The following SMG1 variants were observed in gnomAD, a reference collection of about 807,000 sequenced individuals.
SMG1 encodes the protein serine/threonine-protein kinase SMG1.
SMG1 carries 22 observed loss-of-function variants against 419.9 expected under a neutral mutation model. The observed-to-expected ratio is 0.05, with a 90% CI of 0.04 to 0.07. SMG1 has a LOEUF of 0.07. Among genes scored for constraint, SMG1 ranks in the 10% least tolerant of loss-of-function variants. The probability of loss-of-function intolerance (pLI) is 1.00; values close to 1 mark genes in which losing one functional copy is unlikely to be tolerated. For missense variants in SMG1, 3,185 were observed against 4,342.0 expected, an observed-to-expected ratio of 0.73 and a Z score of 7.49; for synonymous variants, 1,538 against 1,553.5, an observed-to-expected ratio of 0.99 and a Z score of 0.23.
Position 18,874,548 on chromosome 16 carries a change from T to C in SMG1, c.1890+1576A>G, listed in dbSNP as rs529353727. On this transcript the variant is annotated intron_variant, in intron 13 of 62. Coordinates refer to ENST00000446231, the MANE Select transcript of SMG1 (RefSeq NM_015092.5). Reference sequence around the variant, plus strand: ...TAAATACAAATCAAGAGCAGGGCCATGTCGAATTACTTAAAAAAAAAAAAA... The same window carrying C: ...TAAATACAAATCAAGAGCAGGGCCACGTCGAATTACTTAAAAAAAAAAAAA... Among the ~76,000 whole-genome samples, 1,036 of 133,370 alleles carry C rather than the reference T, an allele frequency of 7.8e-3. 20 individuals carry two copies. Among genetic ancestry groups the C allele is most frequent in the African/African-American group, 0.028 (977 of 35,200 alleles). The allele number at this position is 133,370 out of a possible 152,430, so 87.5% of individuals were successfully genotyped here. A position where few individuals can be genotyped will look rare whatever the true frequency, so the allele number is the denominator to read the frequency against.
chr16:18,837,949 T>C (rs1471049695), intron 45 of SMG1, 65 bp downstream of exon 45: 1 of 1,522,770 alleles, frequency 6.6e-7, no homozygotes, highest in African/African-American at 1.4e-5. Context: ...CCTCAACATT[T>C]TGATGAGCAT....
At chr16:18,832,506 G>A (rs1324982354) in intron 51 of SMG1, among the ~76,000 whole-genome samples, 1 of 151,938 alleles carries the variant, frequency 6.6e-6, no homozygotes, top group African/African-American at 2.4e-5. Flanking sequence ...TATCATGTTC[G>A]ACTGTGTGTA....
At chr16:18,885,760 T>A in intron 6 of SMG1, 94 bp from the exon 7 acceptor site, 3 of 1,176,204 alleles carry the variant, frequency 2.6e-6, no homozygotes, top group Non-Finnish European at 3.7e-6. Flanking sequence ...CATAAAAAAC[T>A]GAATATGAGA....
intron 30 of SMG1, 64 bp from the exon 31 acceptor site, chr16:18,853,931 G>A: frequency 7.0e-7 from 1 of 1,433,880 alleles, no homozygotes; most frequent in Non-Finnish European, 9.4e-7. Flanking sequence ...GGAGGCACTT[G>A]GATTAGGAAA....
Position 18,847,809 on chromosome 16 carries a change from T to C in SMG1, c.5841+7A>G. 1 of 1,611,020 alleles carries C rather than the reference T, an allele frequency of 6.2e-7. No individual in the cohort carries two copies. The highest frequency in any genetic ancestry group is 8.5e-7 in the Non-Finnish European group (1 of 1,178,862). On this transcript the variant is annotated splice_region_variant and intron_variant, in intron 37 of 62. Coordinates refer to ENST00000446231, the MANE Select transcript of SMG1 (RefSeq NM_015092.5). ...AATTCTTCTACAACATGTGAGTTTC[T>C]TTGTACCTGTAATACCATGGTGGGG...
rs921406111 is a variant in SMG1, at chr16:18,872,245, A to C, written c.2122T>G (p.Ser708Ala). 3.1e-6 allele frequency: 5 copies of C among 1,590,526 alleles called. No individual in the cohort carries two copies. In the Admixed American group the frequency reaches 8.5e-5, roughly 27 times the overall value. ...TVTTATKKHF[S>A]IILNLLGILL... ...ATTCCCAGAAGATTTAATATAATTGAGAAATGTTTCTTTGTAGCCGTAGTT... is the reference window on the plus strand; with the variant it reads ...ATTCCCAGAAGATTTAATATAATTGCGAAATGTTTCTTTGTAGCCGTAGTT... The change falls in exon 15 of 63, where the codon TCA becomes GCA. Residue 708 changes from serine (S) to alanine (A), a missense_variant. Ser to Ala is a moderately conservative substitution (Grantham distance 99, BLOSUM62 1). Around this residue, in one of 27 missense-constraint regions of SMG1, gnomAD observed 297 missense variants for 491.0 expected, o/e 0.60. Transcript: ENST00000446231.
At position 18,881,625 on chromosome 16, in the gene SMG1, G is replaced by A. The variant is rs185017691; in HGVS notation, c.1293+540C>T. Among the ~76,000 whole-genome samples, 8 of 152,184 alleles carry A rather than the reference G, an allele frequency of 5.3e-5. No homozygotes were observed. The East Asian group carries it at 1.5e-3, about 29-fold the overall frequency. ...GTTCATTTCTTGTGTCTTTTCCACT[G>A]AACCCTCATTGGATGTGCTACATAC... On this transcript the variant is annotated intron_variant, in intron 10 of 62. Coordinates refer to ENST00000446231, the MANE Select transcript of SMG1 (RefSeq NM_015092.5).
At position 18,852,369 on chromosome 16, in the gene SMG1, G is replaced by A. The variant is rs746694269; in HGVS notation, c.4862C>T (p.Ala1621Val). Reference protein sequence around the residue: ...QAPEVAKSWAALASWAYRWGR... With the variant: ...QAPEVAKSWAVLASWAYRWGR... The stretch of plus-strand genomic sequence containing the variant: ...CCACCTATAAGCCCAGCTGGCCAAC[G>A]CTGCCCAAGATTTGGCTACTTCAGG... Residue 1621 changes from alanine to valine, a missense_variant, in exon 32 of 63, where the codon GCG becomes GTG. By Grantham distance (64) the Ala-to-Val change is moderately conservative. Around this residue, in one of 27 missense-constraint regions of SMG1, gnomAD observed 493 missense variants for 552.9 expected, o/e 0.89. Coordinates refer to ENST00000446231, the MANE Select transcript of SMG1 (RefSeq NM_015092.5). 2 of 1,613,716 alleles carry A rather than the reference G, an allele frequency of 1.2e-6. No homozygotes were observed. The highest frequency in any genetic ancestry group is 1.3e-5 in the African/African-American group (1 of 74,996).
At chr16:18,882,069 G>A (rs1043175222) in intron 10 of SMG1, 96 bp downstream of exon 10, 46 of 812,092 alleles carry the variant, frequency 5.7e-5, no homozygotes, top group Non-Finnish European at 8.5e-5. Context: ...CTAAACAAAT[G>A]AAGGATTAAT....
chr16:18,871,005 C>CT (rs1311257237), intron 16 of SMG1, 117 bp from the exon 17 acceptor site: 1 of 656,888 alleles, frequency 1.5e-6, no homozygotes, highest in African/African-American at 1.8e-5. Flanking sequence ...CTACTATAGA[C>CT]TAGGCACTAC....
Position 18,868,668 on chromosome 16 carries a change from C to T in SMG1, c.2885G>A (p.Ser962Asn). The change falls in exon 21 of 63, where the codon AGT (serine) becomes AAT (asparagine). Residue 962 changes from serine (S) to asparagine (N), a missense_variant. Ser to Asn is a conservative substitution (Grantham distance 46). Coordinates refer to ENST00000446231, the MANE Select transcript of SMG1 (RefSeq NM_015092.5). ...AHTLNPDQDV[S>N]QWTTADNDEG... is the part of the protein sequence containing the mutation. ...ATCATTGTCTGCAGTTGTCCACTGACTAACATCCTGATCAGGGTTTAATGT... is the reference window on the plus strand; with the variant it reads ...ATCATTGTCTGCAGTTGTCCACTGATTAACATCCTGATCAGGGTTTAATGT... 6.5e-7 allele frequency: 1 copy of T among 1,544,936 alleles called. No homozygotes were observed. The highest frequency in any genetic ancestry group is 8.8e-7 in the Non-Finnish European group (1 of 1,132,518).
rs1173480612 is a variant in SMG1 at position 18,877,451 on chromosome 16, G to A, written c.1519-219C>T. 9 of 409,964 alleles carry A rather than the reference G, an allele frequency of 2.2e-5. No individual in the cohort carries two copies. The South Asian group carries it at 2.5e-4, about 11-fold the overall frequency. 25.4% of individuals were successfully genotyped at this position (409,964 alleles called of 1,614,324 possible). A position where few individuals can be genotyped will look rare whatever the true frequency, so the allele number is the denominator to read the frequency against. On this transcript the variant is annotated intron_variant, in intron 11 of 62. Transcript: ENST00000446231. ...ATGGAGGGAGGGAGGAGTGGGGAGA[G>A]GGAACGAGGAAGGAGTGGGTGGAAC...
Position 18,845,197 on chromosome 16 carries a change from T to C in SMG1, c.6219+232A>G, listed in dbSNP as rs761373008. The stretch of plus-strand genomic sequence containing the variant: ...GTTGTTCACTGGTGTGAGCCTTCCA[T>C]ACATGAAAGATTGGGCACCTTTGCC... On this transcript the variant is annotated intron_variant, in intron 39 of 62. Transcript: ENST00000446231. 3.3e-5 allele frequency among the ~76,000 whole-genome samples: 5 copies of C among 152,244 alleles called. 1 individual carries two copies. In the South Asian group the frequency reaches 1.0e-3, roughly 32 times the overall value.
At chr16:18,887,115 C>T (rs1250696967) in intron 6 of SMG1, among the ~76,000 whole-genome samples, 1 of 152,096 alleles carries the variant, frequency 6.6e-6, no homozygotes, top group Admixed American at 6.5e-5. Context: ...ATATTAGTAA[C>T]TGGTAAATCT....
chr16:18,829,226 TC>T (rs1432869054), intron 54 of SMG1, 59 bp downstream of exon 54: 3 of 1,370,390 alleles, frequency 2.2e-6, no homozygotes, highest in African/African-American at 2.9e-5. Flanking sequence ...TAAATTAATT[TC>T]CCCCATTTTT....
chr16:18,849,857 T>G, intron 35 of SMG1, 92 bp downstream of exon 35: 1 of 1,247,178 alleles, frequency 8.0e-7, no homozygotes, highest in Non-Finnish European at 1.1e-6. Flanking sequence ...TTTTTACACA[T>G]TCAAATAATA....
At chr16:18,925,788 G>T (rs977160689) in intron 1 of SMG1, 162 bp downstream of exon 1, 2 of 499,120 alleles carry the variant, frequency 4.0e-6, no homozygotes, top group South Asian at 6.2e-5. Context: ...GCCTCCCCGC[G>T]GCCTTCCTCC....
intron 6 of SMG1, among the ~76,000 whole-genome samples, chr16:18,887,340 G>A (rs180758737): frequency 2.0e-4 from 31 of 151,634 alleles, no homozygotes; most frequent in African/African-American, 7.3e-4. Context: ...CTATAATCAA[G>A]GGGAAAAATG....
chr16:18,910,765 A>G (rs1167733368), intron 1 of SMG1, among the ~76,000 whole-genome samples: 1 of 152,152 alleles, frequency 6.6e-6, no homozygotes, highest in Non-Finnish European at 1.5e-5. Flanking sequence ...AAGTACTTAA[A>G]ACTATCACAT....
Sources: gnomAD v4.1 joint callset for allele counts (sites outside exome capture counted in the v4.1 genomes callset) on GRCh38, gnomAD v4.1.1 for gene constraint, gnomAD v4.1.1 regional missense constraint, MANE v1.5 for transcripts, NCBI Gene and HGNC (gene_info 2026-07-23, HGNC 2026-07-21) for gene names.